Variants in ANO6 observed in about 807,000 individuals in gnomAD.
ANO6 encodes anoctamin-6.
ANO6 carries 106 observed loss-of-function variants against 117.5 expected under a neutral mutation model. The observed-to-expected ratio is 0.90, with a 90% CI of 0.77 to 1.06. ANO6 has a LOEUF of 1.06. Among genes scored for constraint, ANO6 ranks in the 50% least tolerant of loss-of-function variants. The pLI, the probability that ANO6 is intolerant of heterozygous loss-of-function variation, is 0.00. For synonymous variants in ANO6, 367 were observed against 385.1 expected (o/e 0.95, Z 0.55); for missense variants, 955 against 1,121.1 (o/e 0.85, Z 2.12).
intron 9 of ANO6, among the ~76,000 whole-genome samples, chr12:45,372,856 T>C (rs1941885620): frequency 6.6e-6 from 1 of 152,128 alleles, no homozygotes; most frequent in Non-Finnish European, 1.5e-5. Context: ...AATTCACACA[T>C]AACAATATTA....
intron 12 of ANO6, among the ~76,000 whole-genome samples, chr12:45,391,923 C>G (rs1476590480): frequency 2.0e-5 from 3 of 152,148 alleles, no homozygotes; most frequent in Non-Finnish European, 4.4e-5. Flanking sequence ...TCTGCTGCTC[C>G]CAGCGTGATC....
At position 45,403,152 on chromosome 12, in the gene ANO6, T is replaced by C; in HGVS notation, c.1693T>C (p.Ser565Pro). 1 of 1,614,030 alleles carries C rather than the reference T, an allele frequency of 6.2e-7. No homozygotes were observed. The highest frequency in any genetic ancestry group is 1.1e-5 in the South Asian group (1 of 91,076). ...ATTCCAGTTTGTCAACTACTACTCT[T>C]CATGCTTCTACATAGCATTCTTTAA... The part of the protein sequence containing the change: ...FLFQFVNYYS[S>P]CFYIAFFKGK... Residue 565 changes from serine to proline, a missense_variant, in exon 14 of 20, where the codon TCA becomes CCA. Coordinates refer to ENST00000320560, the MANE Select transcript of ANO6 (RefSeq NM_001025356.3).
At chr12:45,221,269 C>G (rs1010855005) in intron 1 of ANO6, among the ~76,000 whole-genome samples, 4 of 152,150 alleles carry the variant, frequency 2.6e-5, no homozygotes, top group African/African-American at 7.2e-5. Context: ...GAAGGAGAAC[C>G]TGAGTTTGGT....
chr12:45,380,668 T>C (rs1942145982), intron 10 of ANO6, among the ~76,000 whole-genome samples: 1 of 152,120 alleles, frequency 6.6e-6, no homozygotes, highest in Non-Finnish European at 1.5e-5. Flanking sequence ...TTTCTAGCCC[T>C]TGAATTAGGA....
intron 6 of ANO6, among the ~76,000 whole-genome samples, 156 bp downstream of exon 6, chr12:45,348,787 CT>C (rs1941209690): frequency 1.3e-5 from 2 of 152,162 alleles, no homozygotes; most frequent in African/African-American, 4.8e-5. Context: ...AGAACTAGGT[CT>C]TTTGTTCACA....
At chr12:45,333,569 A>G (rs887917182) in intron 3 of ANO6, among the ~76,000 whole-genome samples, 1 of 152,074 alleles carries the variant, frequency 6.6e-6, no homozygotes, top group African/African-American at 2.4e-5. Context: ...CATAGGTCCC[A>G]AGGTAACTCT....
chr12:45,357,532 C>T (rs1479954289), intron 8 of ANO6, 108 bp downstream of exon 8: 21 of 1,373,234 alleles, frequency 1.5e-5, no homozygotes, highest in East Asian at 1.2e-4. Flanking sequence ...GCAGAACATT[C>T]ATTGCTTGGG....
At chr12:45,274,310 G>A (rs1266388106) in intron 1 of ANO6, among the ~76,000 whole-genome samples, 1 of 152,102 alleles carries the variant, frequency 6.6e-6, no homozygotes. Flanking sequence ...TAGATGAGTT[G>A]AACTTAACAT....
At chr12:45,435,241 C>T (rs1185382017), downstream of ANO6, among the ~76,000 whole-genome samples, 35 of 152,204 alleles carry the variant, frequency 2.3e-4, no homozygotes, top group Non-Finnish European at 1.9e-4. Flanking sequence ...TTATTGTCTT[C>T]CAAAGCTTGT....
intron 1 of ANO6, among the ~76,000 whole-genome samples, chr12:45,232,814 C>G (rs1046253867): frequency 1.3e-5 from 2 of 152,144 alleles, no homozygotes; most frequent in African/African-American, 4.8e-5. Context: ...GGTCAGTCAC[C>G]CCAGTTCTCT....
At chr12:45,410,150 C>T (rs1266107725) in intron 16 of ANO6, among the ~76,000 whole-genome samples, 1 of 152,208 alleles carries the variant, frequency 6.6e-6, no homozygotes, top group East Asian at 1.9e-4. Flanking sequence ...GCCTGGAGTC[C>T]GTGCAGGCAC....
chr12:45,427,757 T>C (rs1348454854), intron 19 of ANO6, among the ~76,000 whole-genome samples: 54 of 145,946 alleles, frequency 3.7e-4, no homozygotes, highest in Admixed American at 3.6e-3. Flanking sequence ...AAAAAAAGCC[T>C]GATCCAGCCT....
intron 1 of ANO6, among the ~76,000 whole-genome samples, chr12:45,266,102 A>G (rs186107823): frequency 1.3e-5 from 2 of 152,292 alleles, no homozygotes; most frequent in Non-Finnish European, 2.9e-5. Flanking sequence ...CTTCCTCTGA[A>G]TGTCTGTAGC....
chr12:45,373,777 C>T (rs1434923736), intron 9 of ANO6, among the ~76,000 whole-genome samples: 2 of 152,120 alleles, frequency 1.3e-5, no homozygotes, highest in Non-Finnish European at 2.9e-5. Flanking sequence ...CCAAAATTGA[C>T]ACCCTAACAT....
At chr12:45,271,038 C>G (rs1365880223) in intron 1 of ANO6, among the ~76,000 whole-genome samples, 2 of 152,114 alleles carry the variant, frequency 1.3e-5, no homozygotes, top group Non-Finnish European at 2.9e-5. Context: ...TATTTCTTAC[C>G]TGTCTATGGC....
intron 10 of ANO6, chr12:45,383,223 C>G (rs77962323): frequency 0.016 from 3,044 of 193,692 alleles, 91 homozygotes; most frequent in African/African-American, 0.067. Context: ...CTCATTCCTT[C>G]AAGTTTGATC....
chr12:45,327,920 C>T (rs1940526035), intron 2 of ANO6, among the ~76,000 whole-genome samples: 1 of 152,080 alleles, frequency 6.6e-6, no homozygotes, highest in Non-Finnish European at 1.5e-5. Flanking sequence ...CAAGCCAGAC[C>T]TGGCCACTAA....
At chr12:45,345,988 C>CG (rs891841529) in intron 3 of ANO6, among the ~76,000 whole-genome samples, 4 of 99,626 alleles carry the variant, frequency 4.0e-5, no homozygotes, top group East Asian at 2.6e-4. Flanking sequence ...AAAAATGGGG[C>CG]GGGGGGGTTA....
chr12:45,348,087 G>A lies in ANO6; in HGVS notation c.405G>A (p.Thr135=), dbSNP rs76963647. The A allele has an allele frequency of 2.0e-3, 3,301 of 1,613,962 alleles. 53 individuals are homozygous for A. The African/African-American group carries it at 0.037, about 18-fold the overall frequency. ...ACGCACCATGGGAGGTGTTATGTAC[G>A]TATGCTGAGATAATGCACATCAAAT... The part of the protein sequence containing the change: ...KVHAPWEVLC[T]YAEIMHIKLP... Residue 135 remains threonine (T), a synonymous_variant, in exon 5 of 20, where the codon ACG becomes ACA. Coordinates refer to ENST00000320560, the MANE Select transcript of ANO6 (RefSeq NM_001025356.3).
Sources: gnomAD v4.1 joint callset for allele counts (sites outside exome capture counted in the v4.1 genomes callset) on GRCh38, gnomAD v4.1.1 for gene constraint, MANE v1.5 for transcripts, NCBI Gene and HGNC (gene_info 2026-07-23, HGNC 2026-07-21) for gene names.